Variants in ANKRD17 observed in about 807,000 individuals in gnomAD.
ANKRD17 encodes the protein ankyrin repeat domain-containing protein 17.
ANKRD17 carries 19 observed loss-of-function variants against 229.7 expected under a neutral mutation model. The observed-to-expected ratio is 0.08, with a 90% CI of 0.06 to 0.12. The LOEUF (loss-of-function observed/expected upper bound fraction) is 0.12. ANKRD17 is among the 10% of genes least tolerant of loss of function. The pLI is 1.00. For missense variants in ANKRD17, 2,176 were observed against 3,176.8 expected (o/e 0.68, Z 7.57); for synonymous variants, 1,112 against 1,146.1 (o/e 0.97, Z 0.60).
chr4:73,166,873 C>T (rs559793689), intron 2 of ANKRD17, among the ~76,000 whole-genome samples: 1 of 151,610 alleles, frequency 6.6e-6, no homozygotes, highest in Non-Finnish European at 1.5e-5. Context: ...AACATTAAAA[C>T]TATGTAAACC....
rs563476183 is a variant in ANKRD17, at chr4:73,193,826, C to CAG, written c.394-16294_394-16293insCT. On this transcript the variant is annotated intron_variant, in intron 1 of 33. Coordinates refer to ENST00000358602, the MANE Select transcript of ANKRD17 (RefSeq NM_032217.5). ...GTGCACACCTGTGGTCCCAAGTACT[C>CAG]GGGGCTGGGGCAGGAGGATCCTTTG... 6.0e-4 allele frequency among the ~76,000 whole-genome samples: 91 copies of CAG among 152,130 alleles called. 1 individual carries two copies. The South Asian group carries it at 0.016, about 27-fold the overall frequency.
intron 2 of ANKRD17, among the ~76,000 whole-genome samples, chr4:73,162,727 C>G (rs977039533): frequency 6.6e-6 from 1 of 151,958 alleles, no homozygotes; most frequent in African/African-American, 2.4e-5. Flanking sequence ...TATATGAAAC[C>G]TAACTGTTGC....
chr4:73,107,281 AGAG>A (rs2148632573), intron 24 of ANKRD17, among the ~76,000 whole-genome samples: 1 of 152,374 alleles, frequency 6.6e-6, no homozygotes, highest in South Asian at 2.1e-4. Flanking sequence ...TTCTCAATAA[AGAG>A]TAGTAATATC....
intron 24 of ANKRD17, among the ~76,000 whole-genome samples, chr4:73,107,133 TGATACAGCTAATATATAGAGG>T (rs1273035875): frequency 2.0e-5 from 3 of 152,148 alleles, no homozygotes; most frequent in Non-Finnish European, 4.4e-5. Context: ...ATGACAGTGC[TGATACAGCTAATATATAGAGG>T]GTCTAATATG....
chr4:73,179,900 A>T (rs1735320598), intron 1 of ANKRD17, among the ~76,000 whole-genome samples: 1 of 152,108 alleles, frequency 6.6e-6, no homozygotes, highest in Admixed American at 6.6e-5. Context: ...GCAGTAAAAA[A>T]ATTTGTTTTA....
At chr4:73,135,298 T>C in intron 15 of ANKRD17, 33 bp from the exon 16 acceptor site, 1 of 1,588,042 alleles carries the variant, frequency 6.3e-7, no homozygotes, top group Non-Finnish European at 8.6e-7. Flanking sequence ...TTAATAAGGA[T>C]GAAACATTGT....
At chr4:73,151,387 T>G in intron 7 of ANKRD17, 43 bp downstream of exon 7, 1 of 1,572,880 alleles carries the variant, frequency 6.4e-7, no homozygotes, top group Non-Finnish European at 8.7e-7. Flanking sequence ...TGTCTCTCCC[T>G]GGTTAATATA....
At chr4:73,138,791 A>T (rs1406295584) in intron 15 of ANKRD17, among the ~76,000 whole-genome samples, 3 of 152,168 alleles carry the variant, frequency 2.0e-5, no homozygotes, top group African/African-American at 7.2e-5. Context: ...CACAAAAAAT[A>T]AGTACCAAAA....
At position 73,091,786 on chromosome 4, in the gene ANKRD17, G is replaced by A; in HGVS notation, c.5842C>T (p.Arg1948Cys). ...TNSPKPHMVP[R>C]HSNQNSSGSQ... is the part of the protein sequence containing the mutation. Reference sequence around the variant, plus strand: ...CCACTGCTATTCTGATTGCTATGGCGAGGCACCATGTGAGGCTTAGGCGAG... The same window carrying A: ...CCACTGCTATTCTGATTGCTATGGCAAGGCACCATGTGAGGCTTAGGCGAG... The change falls in exon 29 of 34, where the codon CGC becomes TGC. Residue 1948 changes from arginine (R) to cysteine (C), a missense_variant. By Grantham distance (180) the Arg-to-Cys change is radical (BLOSUM62 -3). Around this residue, in one of 18 missense-constraint regions of ANKRD17, gnomAD observed 424 missense variants for 454.0 expected, o/e 0.93. Coordinates refer to ENST00000358602, the MANE Select transcript of ANKRD17 (RefSeq NM_032217.5). 6.2e-7 allele frequency: 1 copy of A among 1,614,166 alleles called. No individual in the cohort carries two copies. The highest frequency in any genetic ancestry group is 8.5e-7 in the Non-Finnish European group (1 of 1,180,036).
intron 24 of ANKRD17, among the ~76,000 whole-genome samples, chr4:73,111,795 A>G (rs1314897524): frequency 2.0e-5 from 3 of 152,232 alleles, no homozygotes; most frequent in African/African-American, 7.2e-5. Context: ...TTTTAAAAAA[A>G]GTACACCATC....
chr4:73,160,405 G>A (rs1732370230), intron 3 of ANKRD17, among the ~76,000 whole-genome samples: 1 of 152,034 alleles, frequency 6.6e-6, no homozygotes, highest in African/African-American at 2.4e-5. Flanking sequence ...TCTTAGTAGA[G>A]ACAGGGTTTC....
chr4:73,159,588 A>AT (rs1029092796), intron 3 of ANKRD17, among the ~76,000 whole-genome samples: 14 of 151,904 alleles, frequency 9.2e-5, no homozygotes, highest in Admixed American at 5.2e-4. Flanking sequence ...AATATGTTCT[A>AT]TTTTTTTTGC....
At chr4:73,254,283 T>C (rs1344465289) in intron 1 of ANKRD17, among the ~76,000 whole-genome samples, 1 of 152,250 alleles carries the variant, frequency 6.6e-6, no homozygotes, top group Non-Finnish European at 1.5e-5. Context: ...TTGCAAATCC[T>C]TTCAATACTA....
At chr4:73,179,488 G>GTATATATATA (rs1169079744) in intron 1 of ANKRD17, among the ~76,000 whole-genome samples, 2 of 48,218 alleles carry the variant, frequency 4.1e-5, no homozygotes, top group African/African-American at 1.8e-4. Context: ...GTGTGTGTGT[G>GTATATATATA]TATATATATA....
At chr4:73,097,313 A>T in intron 26 of ANKRD17, 41 bp from the exon 27 acceptor site, 3 of 1,483,860 alleles carry the variant, frequency 2.0e-6, no homozygotes, top group Non-Finnish European at 2.7e-6. Context: ...TATGGAACAG[A>T]TGTAGAATTT....
At chr4:73,197,656 C>T (rs1738071305) in intron 1 of ANKRD17, among the ~76,000 whole-genome samples, 4 of 151,974 alleles carry the variant, frequency 2.6e-5, no homozygotes, top group Admixed American at 2.6e-4. Context: ...CATAGCAAGA[C>T]CCATCTCTAT....
chr4:73,205,896 C>A (rs1394162865), intron 1 of ANKRD17, among the ~76,000 whole-genome samples: 1 of 151,938 alleles, frequency 6.6e-6, no homozygotes, highest in African/African-American at 2.4e-5. Context: ...AAGAAAACAA[C>A]CTGATTTTTT....
chr4:73,169,987 G>A (rs975424808), intron 2 of ANKRD17, among the ~76,000 whole-genome samples: 6 of 152,116 alleles, frequency 3.9e-5, no homozygotes, highest in Non-Finnish European at 8.8e-5. Flanking sequence ...TGAAGCTGAG[G>A]GGCAGTCTAA....
intron 14 of ANKRD17, among the ~76,000 whole-genome samples, chr4:73,141,419 G>A (rs1729589135): frequency 6.6e-6 from 1 of 152,010 alleles, no homozygotes; most frequent in South Asian, 2.1e-4. Flanking sequence ...CAGAGATTTA[G>A]GTAAGTAATT....
Sources: allele counts gnomAD v4.1 joint callset (sites outside exome capture counted in the v4.1 genomes callset), GRCh38; gene constraint gnomAD v4.1.1; regional missense constraint gnomAD v4.1.1; transcripts MANE v1.5; gene names NCBI Gene and HGNC (gene_info 2026-07-23, HGNC 2026-07-21).